ASTN1: variants seen among roughly 807,000 people sequenced by gnomAD.
ASTN1 encodes astrotactin-1.
In ASTN1, 41 loss-of-function variants were observed where a neutral mutation model predicts 140.7. That is an observed-to-expected ratio of 0.29 (90% confidence interval 0.23 to 0.38). The LOEUF (loss-of-function observed/expected upper bound fraction) is 0.38, where lower values mean the gene tolerates loss of function less well. ASTN1 is among the 10% of genes least tolerant of loss of function. ASTN1 has a pLI of 1.00. For missense variants in ASTN1, 1,479 were observed against 1,678.8 expected (o/e 0.88, Z 2.08); for synonymous variants, 640 against 652.2 (o/e 0.98, Z 0.29).
rs746699576 is a variant in ASTN1, at chr1:177,032,728, G to C, written c.593C>G (p.Ala198Gly). The C allele has an allele frequency of 2.5e-6, 4 of 1,613,912 alleles. No homozygotes were observed. The highest frequency in any genetic ancestry group is 3.4e-6 in the Non-Finnish European group (4 of 1,180,032). ...QPQKSASAEAANEIHYIPSVL... is the reference protein window; with the variant it reads ...QPQKSASAEAGNEIHYIPSVL... ...AGAAGGAATGTAGTGAATCTCATTG[G>C]CTGCCTCAGCACTGGCACTCTTCTG... The change falls in exon 3 of 23, where the codon GCC becomes GGC. Residue 198 changes from alanine (A) to glycine (G), a missense_variant. Physicochemically the swap from Ala to Gly is moderately conservative, Grantham distance 60. Coordinates refer to ENST00000361833, the MANE Select transcript of ASTN1 (RefSeq NM_004319.3).
At chr1:177,051,511 C>T (rs1376389639) in intron 2 of ASTN1, among the ~76,000 whole-genome samples, 1 of 152,204 alleles carries the variant, frequency 6.6e-6, no homozygotes, top group Non-Finnish European at 1.5e-5. Context: ...ACATCTGGTC[C>T]TTTATAGACT....
intron 1 of ASTN1, among the ~76,000 whole-genome samples, chr1:177,102,016 C>T (rs1344200230): frequency 6.6e-6 from 1 of 152,198 alleles, no homozygotes; most frequent in African/African-American, 2.4e-5. Flanking sequence ...GAGTTCACAC[C>T]TGTCATTTTC....
chr1:176,944,356 C>T (rs1671863829), intron 13 of ASTN1, among the ~76,000 whole-genome samples: 1 of 152,240 alleles, frequency 6.6e-6, no homozygotes, highest in Admixed American at 6.5e-5. Context: ...ACCTCCTGGG[C>T]TCAGGTGATC....
chr1:177,101,099 A>T (rs975030195), intron 1 of ASTN1, among the ~76,000 whole-genome samples: 1 of 152,040 alleles, frequency 6.6e-6, no homozygotes, highest in Admixed American at 6.6e-5. Context: ...TCAAAAAAAT[A>T]AAAAAAATTT....
At chr1:177,080,715 T>C (rs1679137691) in intron 1 of ASTN1, among the ~76,000 whole-genome samples, 1 of 152,172 alleles carries the variant, frequency 6.6e-6, no homozygotes, top group Non-Finnish European at 1.5e-5. Flanking sequence ...CCTAATTCTG[T>C]TCTGTTTCCC....
intron 7 of ASTN1, among the ~76,000 whole-genome samples, chr1:177,019,931 C>T (rs961808582): frequency 2.6e-5 from 4 of 152,186 alleles, no homozygotes; most frequent in Non-Finnish European, 1.5e-5. Flanking sequence ...GTCACTGTGG[C>T]TGGAGTGCAA....
rs1668044867 is a variant in ASTN1, at chr1:176,863,879, C to T, written c.*405G>A. On this transcript the variant is annotated 3_prime_UTR_variant, in exon 23 of 23. Coordinates refer to ENST00000361833, the MANE Select transcript of ASTN1 (RefSeq NM_004319.3). The stretch of plus-strand genomic sequence containing the variant: ...AGGCCTAACAACTTTCTGGCCTCAC[C>T]TCTGCTCCCAGTTGCAATGGATTTA... The T allele has an allele frequency of 1.2e-5, 12 of 1,012,298 alleles. No homozygotes were observed. Among genetic ancestry groups the T allele is most frequent in the Non-Finnish European group, 1.4e-5 (12 of 845,330 alleles). 62.7% of individuals were successfully genotyped at this position (1,012,298 alleles called of 1,614,324 possible). A position where few individuals can be genotyped will look rare whatever the true frequency, so the allele number is the denominator to read the frequency against.
At chr1:177,020,859 TTGTGTG>T (rs138744561) in intron 7 of ASTN1, among the ~76,000 whole-genome samples, 7 of 151,388 alleles carry the variant, frequency 4.6e-5, no homozygotes, top group African/African-American at 1.7e-4. Flanking sequence ...GTTTGTGTGT[TTGTGTG>T]TGTGTGTGTG....
intron 9 of ASTN1, among the ~76,000 whole-genome samples, chr1:176,960,430 C>A (rs966829395): frequency 2.0e-5 from 3 of 152,146 alleles, no homozygotes; most frequent in East Asian, 1.9e-4. Context: ...CTGTGGTTTA[C>A]AATTTATGTA....
At position 177,164,416 on chromosome 1, in the gene ASTN1, C is replaced by T. The variant is rs1264643678; in HGVS notation, c.261G>A (p.Thr87=). Residue 87 remains threonine, a synonymous_variant, in exon 1 of 23, where the codon ACG becomes ACA. Transcript: ENST00000361833. ...CACCCAGCACGAAGTAGGGCAGCTC[C>T]GTGTTCTCCAGGTCGTCCACCACGA... is the stretch of plus-strand genomic sequence containing the variant. ...EMVVVDDLEN[T]ELPYFVLEIS... 6 of 1,610,744 alleles carry T rather than the reference C, an allele frequency of 3.7e-6. No individual in the cohort carries two copies. The highest frequency in any genetic ancestry group is 5.1e-6 in the Non-Finnish European group (6 of 1,178,162).
chr1:176,889,124 A>ATTT (rs1377525797), intron 17 of ASTN1, among the ~76,000 whole-genome samples: 1 of 152,230 alleles, frequency 6.6e-6, no homozygotes, highest in Non-Finnish European at 1.5e-5. Context: ...ACTATTAAGT[A>ATTT]AAAGGACAGA....
intron 1 of ASTN1, among the ~76,000 whole-genome samples, chr1:177,079,189 A>G (rs988237540): frequency 6.6e-6 from 1 of 152,216 alleles, no homozygotes; most frequent in Non-Finnish European, 1.5e-5. Context: ...TATTAGGTGT[A>G]TAAAGGCTGG....
Position 176,900,769 on chromosome 1 carries a change from G to A in ASTN1, c.2672-5939C>T, listed in dbSNP as rs75602525. On this transcript the variant is annotated intron_variant, in intron 16 of 22. Transcript: ENST00000361833. ...TAATTCGCAAAGACAGTTTAGAACC[G>A]AGCCTGGGATATATTGAGTGCTTTC... is the stretch of plus-strand genomic sequence containing the variant. 2.0e-5 allele frequency among the ~76,000 whole-genome samples: 3 copies of A among 152,188 alleles called. No individual in the cohort carries two copies. In the East Asian group the frequency reaches 5.8e-4, roughly 29 times the overall value.
chr1:176,943,007 C>T (rs1222056470), intron 14 of ASTN1, among the ~76,000 whole-genome samples: 3 of 151,160 alleles, frequency 2.0e-5, no homozygotes, highest in Non-Finnish European at 4.4e-5. Flanking sequence ...TCTAAATTAA[C>T]TGAGACCTGT....
chr1:177,077,061 A>C (rs1678947490), intron 1 of ASTN1, among the ~76,000 whole-genome samples: 1 of 152,178 alleles, frequency 6.6e-6, no homozygotes. Context: ...AAATGGAAGC[A>C]ATTAAGTCTG....
chr1:176,858,466 A>G (rs1667875015), downstream of ASTN1, among the ~76,000 whole-genome samples: 1 of 152,158 alleles, frequency 6.6e-6, no homozygotes, highest in South Asian at 2.1e-4. Context: ...TTTGTTCCCC[A>G]AGTTCTCACC....
At position 177,053,326 on chromosome 1, in the gene ASTN1, T is replaced by C. The variant is rs1038729760; in HGVS notation, c.471+7752A>G. Among the ~76,000 whole-genome samples the C allele has an allele frequency of 2.6e-5, 4 of 152,214 alleles. 1 individual carries two copies. In the South Asian group the frequency reaches 8.3e-4, roughly 32 times the overall value. On this transcript the variant is annotated intron_variant, in intron 2 of 22. Coordinates refer to ENST00000361833, the MANE Select transcript of ASTN1 (RefSeq NM_004319.3). ...TGAAAATTTGGCCTCTTAGCTATTTTTCTTGCTATCTGCAGAGATGAGGGT... is the reference window on the plus strand; with the variant it reads ...TGAAAATTTGGCCTCTTAGCTATTTCTCTTGCTATCTGCAGAGATGAGGGT...
intron 11 of ASTN1, among the ~76,000 whole-genome samples, chr1:176,952,272 CA>C: frequency 6.6e-6 from 1 of 151,840 alleles, no homozygotes; most frequent in South Asian, 2.1e-4. Context: ...TTCAAACACA[CA>C]AACACACACA....
intron 15 of ASTN1, among the ~76,000 whole-genome samples, chr1:176,934,789 G>T (rs991818842): frequency 1.3e-5 from 2 of 152,120 alleles, no homozygotes; most frequent in Non-Finnish European, 2.9e-5. Context: ...TCTGTTGTGT[G>T]CATGTGGGAG....
Sources: allele counts gnomAD v4.1 joint callset (sites outside exome capture counted in the v4.1 genomes callset), GRCh38; gene constraint gnomAD v4.1.1; transcripts MANE v1.5; gene names NCBI Gene and HGNC (gene_info 2026-07-23, HGNC 2026-07-21).